TBCK: variants seen among roughly 807,000 people sequenced by gnomAD.
The protein encoded by TBCK is TBC domain-containing protein kinase-like protein.
Under a neutral mutation model 113.4 loss-of-function variants are expected in TBCK, and 99 were observed. The ratio of observed to expected loss-of-function variants is 0.87; its 90% CI spans 0.74 to 1.03. The LOEUF (loss-of-function observed/expected upper bound fraction) is 1.03. TBCK is among the 50% of genes least tolerant of loss of function. The pLI is 0.00. For missense variants in TBCK, 1,045 were observed against 1,061.3 expected, an observed-to-expected ratio of 0.98 and a Z score of 0.21; for synonymous variants, 369 against 370.8, an observed-to-expected ratio of 1.00 and a Z score of 0.05.
At chr4:106,230,527 T>C in intron 18 of TBCK, 81 bp from the exon 19 acceptor site, 1 of 686,848 alleles carries the variant, frequency 1.5e-6, no homozygotes, top group Non-Finnish European at 2.3e-6. Flanking sequence ...ACTTAGCACA[T>C]ATTCCTTGAA....
intron 25 of TBCK, among the ~76,000 whole-genome samples, chr4:106,083,555 C>G (rs572788775): frequency 8.7e-4 from 133 of 152,290 alleles, no homozygotes; most frequent in African/African-American, 2.7e-3. Flanking sequence ...GGGTTTCCCC[C>G]CAGTGAAACA....
At position 106,289,298 on chromosome 4, in the gene TBCK, C is replaced by A. The variant is rs766007664; in HGVS notation, c.266+5796G>T. Among the ~76,000 whole-genome samples the A allele has an allele frequency of 4.6e-4, 70 of 152,154 alleles. 1 individual carries two copies. Among genetic ancestry groups the A allele is most frequent in the South Asian group, 1.4e-3 (7 of 4,832 alleles). ...ATTTAAGGAGGCCTTATAACTAGGA[C>A]TGGAATTGCTGGATCATAAAATAGA... On this transcript the variant is annotated intron_variant, in intron 3 of 25. Coordinates refer to ENST00000394708, the MANE Select transcript of TBCK (RefSeq NM_001163435.3).
intron 22 of TBCK, among the ~76,000 whole-genome samples, chr4:106,181,750 A>T (rs1752413370): frequency 6.6e-6 from 1 of 152,140 alleles, no homozygotes; most frequent in Non-Finnish European, 1.5e-5. Context: ...GTACAGTACC[A>T]TGCTGTTTTG....
chr4:106,124,425 T>C (rs899125718), intron 23 of TBCK, among the ~76,000 whole-genome samples: 8 of 152,180 alleles, frequency 5.3e-5, no homozygotes, highest in East Asian at 1.9e-4. Context: ...AGTTCAACCA[T>C]TGTGGAAGTC....
intron 2 of TBCK, among the ~76,000 whole-genome samples, chr4:106,301,574 C>A (rs1045443328): frequency 2.0e-5 from 3 of 152,138 alleles, no homozygotes; most frequent in African/African-American, 7.2e-5. Context: ...AAAACTTCAT[C>A]CTGCTGAGTT....
intron 1 of TBCK, among the ~76,000 whole-genome samples, chr4:106,314,584 T>C (rs1768551358): frequency 6.6e-6 from 1 of 151,850 alleles, no homozygotes; most frequent in Admixed American, 6.6e-5. Context: ...AGTTGCACTT[T>C]ATTATTCAAT....
intron 20 of TBCK, among the ~76,000 whole-genome samples, chr4:106,211,334 C>T (rs1003135303): frequency 1.3e-5 from 2 of 151,912 alleles, no homozygotes; most frequent in African/African-American, 4.8e-5. Context: ...ATATTATACT[C>T]CAACAGCCTT....
intron 25 of TBCK, among the ~76,000 whole-genome samples, chr4:106,052,716 A>G (rs1734944830): frequency 6.6e-6 from 1 of 151,656 alleles, no homozygotes; most frequent in African/African-American, 2.4e-5. Context: ...TCTTTATTTC[A>G]TGTCTTCCCA....
At chr4:106,250,789 A>G (rs1250341844) in intron 6 of TBCK, among the ~76,000 whole-genome samples, 1 of 151,964 alleles carries the variant, frequency 6.6e-6, no homozygotes, top group African/African-American at 2.4e-5. Context: ...TCCAGGCCAT[A>G]TGGAGTCTTA....
chr4:106,295,631 T>C (rs1320752159), intron 2 of TBCK, among the ~76,000 whole-genome samples: 4 of 152,120 alleles, frequency 2.6e-5, no homozygotes, highest in African/African-American at 4.8e-5. Context: ...ATCATAACTA[T>C]AGAGAAAGAA....
At chr4:106,266,076 AAACT>A (rs60734466) in intron 3 of TBCK, among the ~76,000 whole-genome samples, 2,765 of 151,966 alleles carry the variant, frequency 0.018, 77 homozygotes, top group African/African-American at 0.061. Context: ...TTCAAAAAAT[AAACT>A]AACTGTATAA....
At chr4:106,125,079 C>T (rs576881297) in intron 23 of TBCK, among the ~76,000 whole-genome samples, 2 of 150,960 alleles carry the variant, frequency 1.3e-5, no homozygotes, top group African/African-American at 2.4e-5. Context: ...AAAGCATGGA[C>T]GTTAGTAAGG....
At chr4:106,204,000 A>T (rs982485416) in intron 20 of TBCK, among the ~76,000 whole-genome samples, 1 of 152,148 alleles carries the variant, frequency 6.6e-6, no homozygotes, top group African/African-American at 2.4e-5. Context: ...TGATGTAGCA[A>T]AATAATATAT....
At chr4:106,244,366 C>A (rs1309642412) in intron 11 of TBCK, among the ~76,000 whole-genome samples, 3 of 151,730 alleles carry the variant, frequency 2.0e-5, no homozygotes, top group Non-Finnish European at 4.4e-5. Context: ...ATAATATTAA[C>A]TTCACTTCAA....
rs1258712071 is a variant in TBCK at position 106,276,677 on chromosome 4, G to A, written c.267-14465C>T. Among the ~76,000 whole-genome samples the A allele has an allele frequency of 3.9e-5, 6 of 152,274 alleles. No homozygotes were observed. In the East Asian group the frequency reaches 1.2e-3, roughly 29 times the overall value. On this transcript the variant is annotated intron_variant, in intron 3 of 25. Transcript: ENST00000394708. ...GGAGGCTGAGGTGGGTTGATCACCT[G>A]AGGTCAAGAGTTCGAGACCAACCTG...
intron 20 of TBCK, among the ~76,000 whole-genome samples, chr4:106,197,419 A>G (rs1464826652): frequency 9.2e-5 from 13 of 140,982 alleles, no homozygotes; most frequent in Non-Finnish European, 1.6e-4. Flanking sequence ...GTGTATATAT[A>G]TATATATATA....
At chr4:106,279,333 A>G (rs1478833275) in intron 3 of TBCK, among the ~76,000 whole-genome samples, 2 of 152,152 alleles carry the variant, frequency 1.3e-5, no homozygotes, top group Non-Finnish European at 2.9e-5. Flanking sequence ...GTGCATATAC[A>G]ATAGATACAA....
intron 23 of TBCK, among the ~76,000 whole-genome samples, chr4:106,153,372 T>C (rs1317659697): frequency 6.6e-6 from 1 of 152,080 alleles, no homozygotes; most frequent in Non-Finnish European, 1.5e-5. Context: ...AAATTTCTCT[T>C]GTAATTGATT....
intron 19 of TBCK, among the ~76,000 whole-genome samples, chr4:106,216,870 G>A (rs1012845986): frequency 2.0e-5 from 3 of 151,412 alleles, no homozygotes; most frequent in Non-Finnish European, 4.4e-5. Context: ...CATTTTATGA[G>A]GCCAGCATCA....
Sources: allele counts gnomAD v4.1 joint callset (sites outside exome capture counted in the v4.1 genomes callset), GRCh38; gene constraint gnomAD v4.1.1; transcripts MANE v1.5; gene names NCBI Gene and HGNC (gene_info 2026-07-23, HGNC 2026-07-21).